PIK3R3: variants seen among roughly 807,000 people sequenced by gnomAD.
PIK3R3 encodes the protein phosphoinositide-3-kinase regulatory subunit 3.
A neutral mutation model predicts 62.9 loss-of-function variants in PIK3R3; 64 were observed. That is an observed-to-expected ratio of 1.02 (90% confidence interval 0.83 to 1.25). The LOEUF is 1.25. Among genes scored for constraint, PIK3R3 ranks in the 50% most tolerant of loss-of-function variants. The probability of loss-of-function intolerance (pLI) is 0.00; values close to 1 mark genes in which losing one functional copy is unlikely to be tolerated. For synonymous variants in PIK3R3, 165 were observed against 189.0 expected, an observed-to-expected ratio of 0.87 and a Z score of 1.04; for missense variants, 614 against 561.6, an observed-to-expected ratio of 1.09 and a Z score of -0.94.
chr1:46,077,291 C>G (rs1650151739), intron 3 of PIK3R3, among the ~76,000 whole-genome samples: 1 of 152,196 alleles, frequency 6.6e-6, no homozygotes. Context: ...GGATTTTAAC[C>G]TTTTCATTTT....
the PIK3R3 span, among the ~76,000 whole-genome samples, chr1:46,145,371 TAAA>T: frequency 9.0e-4 from 135 of 149,912 alleles, no homozygotes; most frequent in African/African-American, 1.9e-3. Context: ...GATAACTTTT[TAAA>T]AAAAAAAAAA....
At chr1:46,076,954 TTTAA>T (rs891750519) in intron 3 of PIK3R3, among the ~76,000 whole-genome samples, 40 of 152,368 alleles carry the variant, frequency 2.6e-4, no homozygotes, top group East Asian at 9.6e-4. Flanking sequence ...ACTGGGCTAC[TTTAA>T]TTATTAAAAT....
intron 1 of PIK3R3, among the ~76,000 whole-genome samples, chr1:46,113,444 C>T (rs1002849062): frequency 6.6e-6 from 1 of 152,018 alleles, no homozygotes; most frequent in Admixed American, 6.6e-5. Context: ...CAGTCATGTG[C>T]CACCACACCC....
intron 3 of PIK3R3, among the ~76,000 whole-genome samples, chr1:46,069,639 A>C (rs1428280594): frequency 1.3e-5 from 2 of 152,206 alleles, no homozygotes; most frequent in African/African-American, 4.8e-5. Context: ...AAGAATCTAA[A>C]GTTCAGGAGA....
At chr1:46,159,715 C>T in the PIK3R3 span, among the ~76,000 whole-genome samples, 21 of 148,742 alleles carry the variant, frequency 1.4e-4, no homozygotes, top group Non-Finnish European at 3.0e-5. Flanking sequence ...GCACCTGGTT[C>T]TCAACCCTCT....
intron 1 of PIK3R3, among the ~76,000 whole-genome samples, chr1:46,101,948 CAATGT>C (rs1477079947): frequency 7.2e-6 from 1 of 139,526 alleles, no homozygotes; most frequent in African/African-American, 2.6e-5. Flanking sequence ...AAAAAATTAA[CAATGT>C]AATGTATCAA....
chr1:46,142,448 C>A, the PIK3R3 span, among the ~76,000 whole-genome samples: 1 of 152,282 alleles, frequency 6.6e-6, no homozygotes, highest in East Asian at 1.9e-4. Context: ...CCTGTAATCC[C>A]AGCACTTTGG....
At chr1:46,091,962 T>TCA (rs1394523575) in intron 1 of PIK3R3, among the ~76,000 whole-genome samples, 4 of 152,206 alleles carry the variant, frequency 2.6e-5, no homozygotes, top group Non-Finnish European at 4.4e-5. Flanking sequence ...TTGGTTTTTT[T>TCA]CACACACACC....
chr1:46,059,865 C>T (rs1648308505), intron 6 of PIK3R3, among the ~76,000 whole-genome samples: 1 of 152,072 alleles, frequency 6.6e-6, no homozygotes, highest in African/African-American at 2.4e-5. Context: ...TTTGGGAGGC[C>T]AAGGCGGGCA....
At chr1:46,122,077 A>AAAAAT (rs370230345) in intron 1 of PIK3R3, among the ~76,000 whole-genome samples, 36 of 152,128 alleles carry the variant, frequency 2.4e-4, no homozygotes, top group South Asian at 1.7e-3. Flanking sequence ...ACTCCATCTC[A>AAAAAT]AAAATAAAAT....
the PIK3R3 span, among the ~76,000 whole-genome samples, chr1:46,149,816 C>A: frequency 6.6e-6 from 1 of 152,186 alleles, no homozygotes; most frequent in Admixed American, 6.5e-5. Flanking sequence ...CAGGCCTAAG[C>A]CTCCGCACCC....
chr1:46,145,148 A>C, the PIK3R3 span, among the ~76,000 whole-genome samples: 1 of 150,576 alleles, frequency 6.6e-6, no homozygotes, highest in African/African-American at 2.4e-5. Context: ...AAAGAAGAAG[A>C]CTGGGTTAAA....
intron 1 of PIK3R3, among the ~76,000 whole-genome samples, chr1:46,109,218 T>C (rs1288030646): frequency 2.0e-5 from 3 of 152,148 alleles, no homozygotes; most frequent in Non-Finnish European, 4.4e-5. Flanking sequence ...TAACTACCTC[T>C]TACTTTTGCT....
chr1:46,112,887 T>C (rs1471021711), intron 1 of PIK3R3, among the ~76,000 whole-genome samples: 1 of 152,180 alleles, frequency 6.6e-6, no homozygotes, highest in African/African-American at 2.4e-5. Flanking sequence ...TCCTTCTTCC[T>C]CAACTTGCTT....
rs1557544893 is a variant in PIK3R3 at position 46,043,742 on chromosome 1, C to G, written c.1317G>C (p.Gln439His). 6.2e-7 allele frequency: 1 copy of G among 1,614,214 alleles called. No individual in the cohort carries two copies. Among genetic ancestry groups the G allele is most frequent in the Admixed American group, 1.7e-5 (1 of 60,022 alleles). ...VLHYQQTSLV[Q>H]HNDSLNVRLA... ...GCCTGACGTTGAGGGAGTCGTTGTG[C>G]TGAACCAAGGATGTCTGCTGGTAAT... Residue 439 changes from glutamine (Q) to histidine (H), a missense_variant, in exon 10 of 10, where the codon CAG becomes CAC. Coordinates refer to ENST00000262741, the MANE Select transcript of PIK3R3 (RefSeq NM_003629.4).
intron 1 of PIK3R3, among the ~76,000 whole-genome samples, chr1:46,108,489 T>G (rs1466533712): frequency 2.0e-5 from 3 of 152,220 alleles, no homozygotes; most frequent in African/African-American, 7.2e-5. Context: ...TAACTGAGAT[T>G]ACTATCCTGT....
the PIK3R3 span, among the ~76,000 whole-genome samples, chr1:46,159,795 T>C: frequency 1.3e-5 from 2 of 151,426 alleles, no homozygotes; most frequent in African/African-American, 4.9e-5. Flanking sequence ...CCAGGGGCAT[T>C]TGTTACCAAA....
At chr1:46,080,945 GT>G (rs753261370) in intron 1 of PIK3R3, among the ~76,000 whole-genome samples, 195 bp from the exon 2 acceptor site, 9 of 152,084 alleles carry the variant, frequency 5.9e-5, no homozygotes, top group East Asian at 1.9e-4. Flanking sequence ...CAAGATATTT[GT>G]TTTTTTCCTT....
chr1:46,047,493 G>A (rs901494758), intron 7 of PIK3R3, among the ~76,000 whole-genome samples: 7 of 150,922 alleles, frequency 4.6e-5, no homozygotes, highest in Non-Finnish European at 8.8e-5. Flanking sequence ...ATCTTAAAAT[G>A]TGCTAGTATT....
Sources: allele counts gnomAD v4.1 joint callset (sites outside exome capture counted in the v4.1 genomes callset), GRCh38; gene constraint gnomAD v4.1.1; transcripts MANE v1.5; gene names NCBI Gene and HGNC (gene_info 2026-07-23, HGNC 2026-07-21).